Variants in IKZF2 observed in about 807,000 individuals in gnomAD.
IKZF2 encodes zinc finger protein Helios.
IKZF2 carries 15 observed loss-of-function variants against 49.2 expected under a neutral mutation model. That is an observed-to-expected ratio of 0.30 (90% CI 0.20 to 0.47). The LOEUF (loss-of-function observed/expected upper bound fraction) is 0.47. Ranked by LOEUF, IKZF2 falls within the 20% of genes least tolerant of loss-of-function variation. IKZF2 has a pLI of 1.00. For synonymous variants in IKZF2, 227 were observed against 221.4 expected (o/e 1.03, Z -0.23); for missense variants, 567 against 664.6 (o/e 0.85, Z 1.61).
At chr2:213,060,172 C>T (rs919393099) in intron 4 of IKZF2, among the ~76,000 whole-genome samples, 1 of 151,250 alleles carries the variant, frequency 6.6e-6, no homozygotes, top group Non-Finnish European at 1.5e-5. Flanking sequence ...TTAACTATTA[C>T]ATAGAAAAGT....
chr2:213,041,591 C>G (rs1460581211), intron 6 of IKZF2, among the ~76,000 whole-genome samples: 1 of 152,012 alleles, frequency 6.6e-6, no homozygotes, highest in South Asian at 2.1e-4. Flanking sequence ...TGTGAGCCAC[C>G]GTGCCCGGCC....
chr2:213,065,459 T>A (rs141955463), intron 4 of IKZF2, among the ~76,000 whole-genome samples: 176 of 152,224 alleles, frequency 1.2e-3, no homozygotes, highest in Admixed American at 2.4e-3. Context: ...GTATGATATT[T>A]CTGTTTTTAA....
At chr2:213,063,320 TG>T (rs1333964416) in intron 4 of IKZF2, among the ~76,000 whole-genome samples, 1 of 152,026 alleles carries the variant, frequency 6.6e-6, no homozygotes, top group Non-Finnish European at 1.5e-5. Context: ...TCTGAAATAC[TG>T]TTATTATTCC....
chr2:213,100,114 C>A (rs1706480855), intron 4 of IKZF2, among the ~76,000 whole-genome samples: 1 of 152,082 alleles, frequency 6.6e-6, no homozygotes, highest in Non-Finnish European at 1.5e-5. Context: ...TGATATTTCT[C>A]AAATGAAATA....
intron 4 of IKZF2, among the ~76,000 whole-genome samples, chr2:213,115,471 A>C: frequency 6.6e-6 from 1 of 152,356 alleles, no homozygotes; most frequent in East Asian, 1.9e-4. Context: ...AGGTCTCTCA[A>C]AATGATAGCA....
At chr2:213,022,192 T>C (rs1697304399) in intron 6 of IKZF2, 62 bp from the exon 7 acceptor site, 1 of 1,425,416 alleles carries the variant, frequency 7.0e-7, no homozygotes, top group Non-Finnish European at 9.3e-7. Flanking sequence ...GCAAAATCAA[T>C]AGCTAACTTT....
At chr2:213,145,460 G>A (rs891627527) in intron 4 of IKZF2, among the ~76,000 whole-genome samples, 17 of 151,926 alleles carry the variant, frequency 1.1e-4, no homozygotes, top group African/African-American at 3.6e-4. Context: ...TAGGAAAACC[G>A]GTGATCTCAG....
chr2:213,112,137 T>G lies in IKZF2; in HGVS notation c.139+35571A>C, dbSNP rs1166698300. 2.0e-5 allele frequency among the ~76,000 whole-genome samples: 3 copies of G among 152,056 alleles called. No homozygotes were observed. In the East Asian group the frequency reaches 5.8e-4, roughly 29 times the overall value. On this transcript the variant is annotated intron_variant, in intron 4 of 8. Coordinates refer to ENST00000434687, the MANE Select transcript of IKZF2 (RefSeq NM_001387220.1). ...TTACAGTTTCATTGGTTAAGAACTG[T>G]GAGACTAACATTTTCAGTCCTACTC...
At chr2:213,145,309 C>G (rs149172345) in intron 4 of IKZF2, among the ~76,000 whole-genome samples, 271 of 151,926 alleles carry the variant, frequency 1.8e-3, no homozygotes, top group African/African-American at 6.3e-3. Context: ...TTACTTTTAG[C>G]TTTAACACTT....
chr2:213,095,613 T>C (rs1478735553), intron 4 of IKZF2, among the ~76,000 whole-genome samples: 1 of 152,080 alleles, frequency 6.6e-6, no homozygotes, highest in Admixed American at 6.6e-5. Flanking sequence ...ATAAACATTT[T>C]AAAGATTAAA....
chr2:213,135,464 A>G (rs538510218), intron 4 of IKZF2, among the ~76,000 whole-genome samples: 5 of 152,230 alleles, frequency 3.3e-5, no homozygotes, highest in Admixed American at 2.0e-4. Context: ...AGGCGGGAGA[A>G]TCACTTGAGG....
chr2:213,095,406 A>G (rs1705855614), intron 4 of IKZF2, among the ~76,000 whole-genome samples: 1 of 152,118 alleles, frequency 6.6e-6, no homozygotes, highest in African/African-American at 2.4e-5. Context: ...GTGGTTGACC[A>G]ATTAGATGGG....
intron 4 of IKZF2, among the ~76,000 whole-genome samples, chr2:213,130,142 T>G (rs1054095562): frequency 6.6e-6 from 1 of 152,166 alleles, no homozygotes; most frequent in Non-Finnish European, 1.5e-5. Flanking sequence ...GATCTTGTTG[T>G]TCTATCAAAA....
At chr2:213,024,789 C>T (rs1697633461) in intron 6 of IKZF2, among the ~76,000 whole-genome samples, 1 of 152,048 alleles carries the variant, frequency 6.6e-6, no homozygotes, top group African/African-American at 2.4e-5. Context: ...GCTATCTCCA[C>T]AAGACCATTT....
At chr2:213,076,124 T>TA (rs1474351712) in intron 4 of IKZF2, among the ~76,000 whole-genome samples, 1 of 152,012 alleles carries the variant, frequency 6.6e-6, no homozygotes, top group African/African-American at 2.4e-5. Flanking sequence ...AAACAGGATT[T>TA]TTTTTAAACA....
At chr2:213,015,838 C>T (rs769701455) in intron 7 of IKZF2, among the ~76,000 whole-genome samples, 13 of 151,970 alleles carry the variant, frequency 8.6e-5, no homozygotes, top group Non-Finnish European at 1.6e-4. Context: ...AACGGGTTTG[C>T]CCCCAAAATT....
intron 4 of IKZF2, among the ~76,000 whole-genome samples, chr2:213,136,447 A>G (rs2125924003): frequency 6.6e-6 from 1 of 151,840 alleles, no homozygotes; most frequent in African/African-American, 2.4e-5. Context: ...AATACCTTAT[A>G]TTTTGACTAA....
At chr2:213,106,897 G>A (rs2059551846) in intron 4 of IKZF2, among the ~76,000 whole-genome samples, 1 of 151,882 alleles carries the variant, frequency 6.6e-6, no homozygotes, top group African/African-American at 2.4e-5. Context: ...CTCCAATTCA[G>A]AGCAAAAGTC....
At chr2:213,056,602 A>G (rs1250048145) in intron 5 of IKZF2, 1 of 654,198 alleles carries the variant, frequency 1.5e-6, no homozygotes, top group Non-Finnish European at 2.7e-6. Context: ...TATATTAAGA[A>G]CTGTGGAAAC....
Sources: allele counts gnomAD v4.1 joint callset (sites outside exome capture counted in the v4.1 genomes callset), GRCh38; gene constraint gnomAD v4.1.1; transcripts MANE v1.5; gene names NCBI Gene and HGNC (gene_info 2026-07-23, HGNC 2026-07-21).